The following NKAIN2 variants were observed in gnomAD, a reference collection of about 807,000 sequenced individuals.
NKAIN2 encodes the protein sodium/potassium transporting ATPase interacting 2.
Under a neutral mutation model 32.6 loss-of-function variants are expected in NKAIN2, and 14 were observed. That is an observed-to-expected ratio of 0.43 (90% confidence interval 0.28 to 0.67). The LOEUF is 0.67. Among genes scored for constraint, NKAIN2 ranks in the 30% least tolerant of loss-of-function variants. NKAIN2 has a pLI of 0.17. For missense variants in NKAIN2, 198 were observed against 258.3 expected, an observed-to-expected ratio of 0.77 and a Z score of 1.60; for synonymous variants, 80 against 87.2, an observed-to-expected ratio of 0.92 and a Z score of 0.46.
intron 1 of NKAIN2, among the ~76,000 whole-genome samples, chr6:123,864,543 T>A (rs1775909438): frequency 6.6e-6 from 1 of 152,032 alleles, no homozygotes; most frequent in African/African-American, 2.4e-5. Context: ...GTTAGAGATG[T>A]GGATGTGGGA....
At chr6:123,974,913 A>G (rs1778488395) in intron 1 of NKAIN2, among the ~76,000 whole-genome samples, 1 of 152,166 alleles carries the variant, frequency 6.6e-6, no homozygotes. Flanking sequence ...ATGATAAAGT[A>G]TTTCCAACGC....
chr6:123,941,066 T>G (rs1232526010), intron 1 of NKAIN2, among the ~76,000 whole-genome samples: 2 of 151,906 alleles, frequency 1.3e-5, no homozygotes, highest in Non-Finnish European at 2.9e-5. Flanking sequence ...TAAACTTTTT[T>G]GGTTAAAAAC....
intron 1 of NKAIN2, among the ~76,000 whole-genome samples, chr6:124,260,596 G>A (rs576320229): frequency 3.9e-5 from 6 of 152,224 alleles, no homozygotes; most frequent in African/African-American, 7.2e-5. Context: ...AGGAGAGAAG[G>A]GGGTGGTGAG....
intron 3 of NKAIN2, among the ~76,000 whole-genome samples, chr6:124,413,218 C>T (rs1278384952): frequency 6.6e-6 from 1 of 152,164 alleles, no homozygotes. Context: ...TGAGATGAAC[C>T]CAGTACCTCA....
intron 4 of NKAIN2, among the ~76,000 whole-genome samples, chr6:124,776,400 AC>A (rs1205573427): frequency 6.6e-6 from 1 of 152,062 alleles, no homozygotes; most frequent in East Asian, 1.9e-4. Context: ...GGATCACTTC[AC>A]CTCTCATTTT....
At chr6:124,191,015 T>A (rs1789993291) in intron 1 of NKAIN2, among the ~76,000 whole-genome samples, 1 of 152,234 alleles carries the variant, frequency 6.6e-6, no homozygotes, top group African/African-American at 2.4e-5. Context: ...CTGATATTGA[T>A]GCCTCATCAC....
intron 2 of NKAIN2, among the ~76,000 whole-genome samples, chr6:124,352,570 T>C (rs1339346856): frequency 3.3e-5 from 5 of 152,216 alleles, no homozygotes. Context: ...TGTAATACAG[T>C]GTCTTTCATT....
At chr6:123,957,800 TAA>T (rs1777665610) in intron 1 of NKAIN2, among the ~76,000 whole-genome samples, 1 of 152,136 alleles carries the variant, frequency 6.6e-6, no homozygotes, top group Non-Finnish European at 1.5e-5. Context: ...AAGTAATTAA[TAA>T]GAGGATAAAA....
intron 4 of NKAIN2, among the ~76,000 whole-genome samples, chr6:124,676,017 C>T (rs578067675): frequency 7.9e-5 from 12 of 152,134 alleles, no homozygotes; most frequent in African/African-American, 1.9e-4. Context: ...AGTGTTGATA[C>T]GTTTTGTTTT....
intron 1 of NKAIN2, among the ~76,000 whole-genome samples, chr6:123,846,703 G>A (rs1775104559): frequency 6.6e-6 from 1 of 152,156 alleles, no homozygotes. Context: ...TATGCACGTG[G>A]TCTTCTTGTC....
rs1468315157 is a variant in NKAIN2, at chr6:123,959,415, G to T, written c.54+155161G>T. On this transcript the variant is annotated intron_variant, in intron 1 of 6. Transcript: ENST00000368417. ...GTCCTTCAGGCAACTAGGCAAGAAA[G>T]AAGTGAGAAACATAGATTTAACACT... Among the ~76,000 whole-genome samples, 3 of 152,150 alleles carry T rather than the reference G, an allele frequency of 2.0e-5. No individual in the cohort carries two copies. The East Asian group carries it at 5.8e-4, about 29-fold the overall frequency.
chr6:124,070,934 G>C (rs955734761), intron 1 of NKAIN2, among the ~76,000 whole-genome samples: 10 of 152,154 alleles, frequency 6.6e-5, no homozygotes, highest in Non-Finnish European at 1.3e-4. Context: ...AAACAGGTTG[G>C]AAGTGAATGC....
intron 3 of NKAIN2, among the ~76,000 whole-genome samples, chr6:124,413,341 G>T (rs970284678): frequency 6.6e-6 from 1 of 152,114 alleles, no homozygotes; most frequent in African/African-American, 2.4e-5. Flanking sequence ...TTATTGAAAA[G>T]CCTGTTCTTT....
intron 1 of NKAIN2, among the ~76,000 whole-genome samples, chr6:124,126,182 A>T (rs1270476485): frequency 6.6e-6 from 1 of 152,068 alleles, no homozygotes; most frequent in Admixed American, 6.6e-5. Flanking sequence ...TCCACCCACA[A>T]TACTGTCTGT....
At chr6:124,354,844 G>GGAA (rs1798894467) in intron 2 of NKAIN2, among the ~76,000 whole-genome samples, 2 of 100,758 alleles carry the variant, frequency 2.0e-5, no homozygotes, top group Admixed American at 1.0e-4. Flanking sequence ...ATAACAGTAA[G>GGAA]AAAAAAAAAA....
intron 1 of NKAIN2, among the ~76,000 whole-genome samples, chr6:124,177,695 T>TTAGG (rs1305655013): frequency 6.6e-6 from 1 of 152,056 alleles, no homozygotes; most frequent in Non-Finnish European, 1.5e-5. Context: ...TGGGAAGTGA[T>TTAGG]TAGGTCATAA....
intron 1 of NKAIN2, among the ~76,000 whole-genome samples, chr6:124,042,905 G>A (rs1411974302): frequency 6.6e-6 from 1 of 152,056 alleles, no homozygotes; most frequent in Non-Finnish European, 1.5e-5. Context: ...TAGGATGAAT[G>A]TTAGGACAAA....
At chr6:124,724,285 C>A (rs939929805) in intron 4 of NKAIN2, among the ~76,000 whole-genome samples, 1 of 151,944 alleles carries the variant, frequency 6.6e-6, no homozygotes, top group Admixed American at 6.5e-5. Flanking sequence ...CAAGATGGCA[C>A]CCCAACTTGT....
chr6:123,846,326 G>T (rs2114946470), intron 1 of NKAIN2, among the ~76,000 whole-genome samples: 1 of 152,254 alleles, frequency 6.6e-6, no homozygotes, highest in East Asian at 1.9e-4. Flanking sequence ...ACTCCAAATA[G>T]GTTGTGCTTT....
Sources: gnomAD v4.1 joint callset for allele counts (sites outside exome capture counted in the v4.1 genomes callset) on GRCh38, gnomAD v4.1.1 for gene constraint, MANE v1.5 for transcripts, NCBI Gene and HGNC (gene_info 2026-07-23, HGNC 2026-07-21) for gene names.